The following TMC5 variants were observed in gnomAD, a reference collection of about 807,000 sequenced individuals.
TMC5 encodes the protein transmembrane channel-like protein 5.
In TMC5, 86 loss-of-function variants were observed where a neutral mutation model predicts 110.5. The ratio of observed to expected loss-of-function variants is 0.78; its 90% CI spans 0.65 to 0.93. The LOEUF (loss-of-function observed/expected upper bound fraction) is 0.93. Among genes scored for constraint, TMC5 ranks in the 40% least tolerant of loss-of-function variants. The pLI is 0.00. For synonymous variants in TMC5, 455 were observed against 439.5 expected, an observed-to-expected ratio of 1.04 and a Z score of -0.44; for missense variants, 1,144 against 1,222.8, an observed-to-expected ratio of 0.94 and a Z score of 0.96.
chr16:19,427,093 C>T (rs987475643), intron 1 of TMC5, among the ~76,000 whole-genome samples: 1 of 152,112 alleles, frequency 6.6e-6, no homozygotes, highest in Admixed American at 6.5e-5. Context: ...CAGCAGGCTC[C>T]CAGGTGACTT....
In TMC5 at chr16:19,423,430, T is replaced by G. The variant is rs563881278; in HGVS notation, c.-308+5338T>G. Among the ~76,000 whole-genome samples, 3 of 152,328 alleles carry G rather than the reference T, an allele frequency of 2.0e-5. No homozygotes were observed. In the East Asian group the frequency reaches 5.8e-4, roughly 29 times the overall value. On this transcript the variant is annotated intron_variant, in intron 1 of 21. Coordinates refer to ENST00000542583, the MANE Select transcript of TMC5 (RefSeq NM_001261841.2). Reference sequence around the variant, plus strand: ...ATGATGTACTTACAGTTCCTTAAACTTGGACAGCGTCGCTGACTCTCCACT... The same window carrying G: ...ATGATGTACTTACAGTTCCTTAAACGTGGACAGCGTCGCTGACTCTCCACT...
chr16:19,460,119 C>A, intron 5 of TMC5, 116 bp from the exon 6 acceptor site: 1 of 629,260 alleles, frequency 1.6e-6, no homozygotes, highest in Non-Finnish European at 2.6e-6. Context: ...TCTTTGAGAT[C>A]CCCAACTCCA....
upstream of TMC5, among the ~76,000 whole-genome samples, chr16:19,413,925 C>T (rs1966864589): frequency 6.6e-6 from 1 of 152,166 alleles, no homozygotes; most frequent in Admixed American, 6.5e-5. Flanking sequence ...TAGTACCTAA[C>T]TCATAGGGCT....
chr16:19,492,936 C>T lies in TMC5; in HGVS notation c.2826+708C>T, dbSNP rs574614656. Among the ~76,000 whole-genome samples the T allele has an allele frequency of 2.2e-5, 2 of 92,408 alleles. 1 individual carries two copies. The highest frequency in any genetic ancestry group is 2.3e-4 in the Admixed American group (2 of 8,666). The allele number at this position is 92,408 out of a possible 152,430, so 60.6% of individuals were successfully genotyped here. ...CTTAGATATATATATATATATATCT[C>T]TCTATAAGATAAATACTTTTATTTC... On this transcript the variant is annotated intron_variant, in intron 19 of 21. Transcript: ENST00000542583.
chr16:19,421,398 C>G (rs553588362), intron 1 of TMC5, among the ~76,000 whole-genome samples: 1 of 151,996 alleles, frequency 6.6e-6, no homozygotes, highest in South Asian at 2.1e-4. Context: ...CATGGGAACA[C>G]GAGATCTGAC....
chr16:19,476,010 G>T (rs1032630095), intron 12 of TMC5, among the ~76,000 whole-genome samples: 7 of 152,144 alleles, frequency 4.6e-5, no homozygotes, highest in Non-Finnish European at 8.8e-5. Flanking sequence ...ATTGGTGAAT[G>T]AATAAGCAAA....
chr16:19,425,619 T>G (rs1264349818), intron 1 of TMC5, among the ~76,000 whole-genome samples: 2 of 152,170 alleles, frequency 1.3e-5, no homozygotes, highest in Non-Finnish European at 2.9e-5. Flanking sequence ...TTCCATTGTC[T>G]CTTGAATATC....
rs377209237 is a variant in TMC5, at chr16:19,434,497, G to GATAGATAGATAGAT, written c.-80+3858_-80+3859insTAGATAGATAGATA. Among the ~76,000 whole-genome samples, 9 of 124,608 alleles carry GATAGATAGATAGAT rather than the reference G, an allele frequency of 7.2e-5. 1 individual carries two copies. Among genetic ancestry groups the GATAGATAGATAGAT allele is most frequent in the African/African-American group, 1.8e-4 (5 of 27,478 alleles). The allele number at this position is 124,608 out of a possible 152,430, so 81.7% of individuals were successfully genotyped here. The stretch of plus-strand genomic sequence containing the variant: ...ATAGATAGATAGATAGATAGATATA[G>GATAGATAGATAGAT]AGAGAGAGAGAGATGGGGGTCTTGC... On this transcript the variant is annotated intron_variant, in intron 2 of 21. Coordinates refer to ENST00000542583, the MANE Select transcript of TMC5 (RefSeq NM_001261841.2).
intron 4 of TMC5, among the ~76,000 whole-genome samples, chr16:19,448,280 T>C (rs1967661152): frequency 6.9e-6 from 1 of 145,566 alleles, no homozygotes; most frequent in Non-Finnish European, 1.5e-5. Context: ...TGGATCTCAG[T>C]GCAACCATTA....
chr16:19,445,128 AAAAC>A (rs1373836763), intron 4 of TMC5, among the ~76,000 whole-genome samples: 1 of 152,162 alleles, frequency 6.6e-6, no homozygotes, highest in Non-Finnish European at 1.5e-5. Context: ...GACTCTGTTA[AAAAC>A]AAACAAAAAA....
chr16:19,427,406 C>T (rs549705021), intron 1 of TMC5, among the ~76,000 whole-genome samples: 167 of 152,316 alleles, frequency 1.1e-3, no homozygotes, highest in African/African-American at 3.9e-3. Context: ...GAGCTATCAT[C>T]GTGCCACTGC....
rs533760461 is a variant in TMC5 at position 19,446,935 on chromosome 16, T to C, written c.959-2607T>C. Among the ~76,000 whole-genome samples, 6 of 152,280 alleles carry C rather than the reference T, an allele frequency of 3.9e-5. No homozygotes were observed. The South Asian group carries it at 6.2e-4, about 16-fold the overall frequency. ...CTTAAGGAGAACCTGTATTCATCTA[T>C]GTACCCTCCAAGGCTCTAGGTGCTC... On this transcript the variant is annotated intron_variant, in intron 4 of 21. Transcript: ENST00000542583.
intron 10 of TMC5, among the ~76,000 whole-genome samples, chr16:19,471,331 T>A (rs1968336503): frequency 6.6e-6 from 1 of 151,898 alleles, no homozygotes; most frequent in South Asian, 2.1e-4. Flanking sequence ...GCTCAAGTGA[T>A]CCTCCCACCT....
At chr16:19,430,093 A>G (rs1402647020) in intron 1 of TMC5, among the ~76,000 whole-genome samples, 2 of 152,232 alleles carry the variant, frequency 1.3e-5, no homozygotes, top group African/African-American at 4.8e-5. Context: ...CATTTACGAT[A>G]GTGGCACCTT....
intron 4 of TMC5, among the ~76,000 whole-genome samples, chr16:19,447,150 A>G (rs1343633808): frequency 6.6e-6 from 1 of 152,138 alleles, no homozygotes; most frequent in Non-Finnish European, 1.5e-5. Context: ...CGGGTCTGCA[A>G]GGTTGGTTGG....
At chr16:19,492,115 G>A (rs775043006) in intron 18 of TMC5, 35 bp from the exon 19 acceptor site, 5 of 1,534,484 alleles carry the variant, frequency 3.3e-6, no homozygotes, top group African/African-American at 1.4e-5. Context: ...CAAAACATTT[G>A]CAAGAGTGTC....
At chr16:19,451,165 C>G (rs1258086771) in intron 5 of TMC5, among the ~76,000 whole-genome samples, 1 of 151,946 alleles carries the variant, frequency 6.6e-6, no homozygotes. Context: ...AAAAATGAAG[C>G]AACAGAGGAG....
chr16:19,447,782 G>T (rs899463910), intron 4 of TMC5, among the ~76,000 whole-genome samples: 1 of 151,934 alleles, frequency 6.6e-6, no homozygotes. Context: ...TCAAACTCCT[G>T]TGCTCAAGCG....
At chr16:19,482,004 T>C (rs775806012) in intron 15 of TMC5, among the ~76,000 whole-genome samples, 6 of 152,222 alleles carry the variant, frequency 3.9e-5, no homozygotes, top group Non-Finnish European at 5.9e-5. Flanking sequence ...ACCAGCACCT[T>C]GATCTTGGAC....
Sources: gnomAD v4.1 joint callset for allele counts (sites outside exome capture counted in the v4.1 genomes callset) on GRCh38, gnomAD v4.1.1 for gene constraint, MANE v1.5 for transcripts, NCBI Gene and HGNC (gene_info 2026-07-23, HGNC 2026-07-21) for gene names.